Variants in GLI2 observed in about 807,000 individuals in gnomAD.
The protein encoded by GLI2 is GLI family zinc finger 2.
In GLI2, 22 loss-of-function variants were observed where a neutral mutation model predicts 78.9. The observed-to-expected ratio is 0.28, with a 90% CI of 0.20 to 0.40. The LOEUF (loss-of-function observed/expected upper bound fraction) is 0.40, where lower values mean the gene tolerates loss of function less well. GLI2 is among the 10% of genes least tolerant of loss of function. The pLI is 1.00. For synonymous variants in GLI2, 974 were observed against 963.7 expected (o/e 1.01, Z -0.20); for missense variants, 2,097 against 2,213.2 (o/e 0.95, Z 1.05).
chr2:120,847,586 G>A (rs1018486367), intron 2 of GLI2, among the ~76,000 whole-genome samples: 1 of 151,734 alleles, frequency 6.6e-6, no homozygotes, highest in Non-Finnish European at 1.5e-5. Flanking sequence ...TTCTGGGCCT[G>A]CCACCGCCTA....
At chr2:120,783,476 C>T (rs956789680) in intron 1 of GLI2, among the ~76,000 whole-genome samples, 3 of 151,972 alleles carry the variant, frequency 2.0e-5, no homozygotes, top group African/African-American at 7.3e-5. Flanking sequence ...ATTTCCTCTC[C>T]GGAAGCCTTC....
At chr2:120,846,402 C>A in intron 2 of GLI2, among the ~76,000 whole-genome samples, 1 of 152,152 alleles carries the variant, frequency 6.6e-6, no homozygotes, top group South Asian at 2.1e-4. Context: ...GGGAGGTGCC[C>A]AGGTATCTGC....
chr2:120,739,632 G>C (rs1206367445), intron 1 of GLI2, among the ~76,000 whole-genome samples: 3 of 152,258 alleles, frequency 2.0e-5, no homozygotes, highest in African/African-American at 7.2e-5. Context: ...GCCAGGCCAG[G>C]TGGACCTCGC....
chr2:120,979,622 G>T (rs280192), intron 10 of GLI2, among the ~76,000 whole-genome samples: 1 of 151,912 alleles, frequency 6.6e-6, no homozygotes, highest in Non-Finnish European at 1.5e-5. Flanking sequence ...CACCCTTTTC[G>T]GAAAATGTGC....
intron 2 of GLI2, among the ~76,000 whole-genome samples, chr2:120,827,478 G>A (rs1433643877): frequency 6.6e-6 from 1 of 152,202 alleles, no homozygotes; most frequent in Non-Finnish European, 1.5e-5. Flanking sequence ...AGACAGTATG[G>A]GAGTTCCTTG....
intron 2 of GLI2, among the ~76,000 whole-genome samples, chr2:120,833,234 G>T (rs1686450454): frequency 6.6e-6 from 1 of 151,804 alleles, no homozygotes; most frequent in African/African-American, 2.4e-5. Flanking sequence ...GATGGTGTTT[G>T]CCTGTTGCGG....
intron 2 of GLI2, among the ~76,000 whole-genome samples, chr2:120,819,344 A>G (rs1232522962): frequency 6.7e-6 from 1 of 149,840 alleles, no homozygotes; most frequent in Non-Finnish European, 1.5e-5. Flanking sequence ...GGTTCAGGCA[A>G]TTTTCCTGCC....
chr2:120,917,175 T>A (rs1017976338), intron 2 of GLI2, among the ~76,000 whole-genome samples: 1 of 152,230 alleles, frequency 6.6e-6, no homozygotes, highest in African/African-American at 2.4e-5. Context: ...CTGATCGCCA[T>A]CCTTACCCAT....
At chr2:120,832,032 G>A (rs1469580619) in intron 2 of GLI2, among the ~76,000 whole-genome samples, 1 of 152,214 alleles carries the variant, frequency 6.6e-6, no homozygotes, top group Non-Finnish European at 1.5e-5. Flanking sequence ...CTTTCAATCA[G>A]CAGTAAACAC....
chr2:120,961,068 A>G (rs1681530253), intron 5 of GLI2, among the ~76,000 whole-genome samples: 2 of 152,106 alleles, frequency 1.3e-5, no homozygotes, highest in African/African-American at 2.4e-5. Flanking sequence ...GCTGTTGAAT[A>G]TTGGTGATTT....
chr2:120,968,932 A>G lies in GLI2; in HGVS notation c.845+17A>G, dbSNP rs750691103. ...TGCCCTCAGGTGAGCCCCGCCTGCAAGCAGAGAGCTGAGGACCAGAGCTGG... is the reference window on the plus strand; with the variant it reads ...TGCCCTCAGGTGAGCCCCGCCTGCAGGCAGAGAGCTGAGGACCAGAGCTGG... On this transcript the variant is annotated intron_variant, in intron 6 of 13. Coordinates refer to ENST00000361492, the MANE Select transcript of GLI2 (RefSeq NM_001374353.1). 4 of 1,599,890 alleles carry G rather than the reference A, an allele frequency of 2.5e-6. No individual in the cohort carries two copies. In the African/African-American group the frequency reaches 5.3e-5, roughly 21 times the overall value.
intron 2 of GLI2, among the ~76,000 whole-genome samples, chr2:120,894,612 G>A (rs371990288): frequency 6.6e-6 from 1 of 152,088 alleles, no homozygotes; most frequent in African/African-American, 2.4e-5. Context: ...TAACCCTTGG[G>A]GGGGGGTACC....
chr2:120,789,313 C>T (rs1354217383), intron 1 of GLI2, among the ~76,000 whole-genome samples: 1 of 152,094 alleles, frequency 6.6e-6, no homozygotes, highest in Non-Finnish European at 1.5e-5. Flanking sequence ...TGTGAGCCAC[C>T]GCGCCCAGTC....
chr2:120,925,788 A>G (rs1271162991), intron 2 of GLI2, among the ~76,000 whole-genome samples: 1 of 152,136 alleles, frequency 6.6e-6, no homozygotes, highest in South Asian at 2.1e-4. Context: ...AATGGTTTAA[A>G]TGGGCCGGGC....
At chr2:120,892,491 G>A (rs541445809) in intron 2 of GLI2, among the ~76,000 whole-genome samples, 2 of 152,190 alleles carry the variant, frequency 1.3e-5, no homozygotes, top group African/African-American at 2.4e-5. Flanking sequence ...GTGCTGGCCC[G>A]GTACCAGCTT....
At chr2:120,881,665 T>TG (rs1677140390) in intron 2 of GLI2, among the ~76,000 whole-genome samples, 3 of 38,262 alleles carry the variant, frequency 7.8e-5, no homozygotes, top group African/African-American at 2.2e-4. Context: ...GGGAGGACAG[T>TG]GTGGGGACGG....
At chr2:120,873,116 C>A (rs1240597225) in intron 2 of GLI2, among the ~76,000 whole-genome samples, 1 of 152,204 alleles carries the variant, frequency 6.6e-6, no homozygotes, top group African/African-American at 2.4e-5. Context: ...TACCTCGTAA[C>A]CTTTCCACCT....
At position 120,880,473 on chromosome 2, in the gene GLI2, C is replaced by G. The variant is rs113882845; in HGVS notation, c.149-46888C>G. The stretch of plus-strand genomic sequence containing the variant: ...CCCGCCATCCTCCTTCCTCCTTCCC[C>G]GCCTCGCAGACAAGGGCTCTCTTTC... On this transcript the variant is annotated intron_variant, in intron 2 of 13. Transcript: ENST00000361492. Among the ~76,000 whole-genome samples the G allele has an allele frequency of 2.8e-3, 420 of 152,266 alleles. 3 individuals carry two copies. The highest frequency in any genetic ancestry group is 8.7e-3 in the African/African-American group (363 of 41,546).
At chr2:120,818,082 C>T (rs11122820) in intron 2 of GLI2, among the ~76,000 whole-genome samples, 2 of 152,024 alleles carry the variant, frequency 1.3e-5, no homozygotes, top group African/African-American at 4.8e-5. Flanking sequence ...GTTCAAGGGC[C>T]CTGTGGCCCT....
Sources: allele counts gnomAD v4.1 joint callset (sites outside exome capture counted in the v4.1 genomes callset), GRCh38; gene constraint gnomAD v4.1.1; transcripts MANE v1.5; gene names NCBI Gene and HGNC (gene_info 2026-07-23, HGNC 2026-07-21).